Variants in ASB5 observed in about 807,000 individuals in gnomAD.
The protein encoded by ASB5 is ankyrin repeat and SOCS box containing 5, also known as ankyrin repeat and SOCS box protein 5.
A neutral mutation model predicts 42.1 loss-of-function variants in ASB5; 45 were observed. The observed-to-expected ratio is 1.07, with a 90% CI of 0.84 to 1.37. The LOEUF (loss-of-function observed/expected upper bound fraction) is 1.37. Among genes scored for constraint, ASB5 ranks in the 40% most tolerant of loss-of-function variants. The probability of loss-of-function intolerance (pLI) is 0.00; values close to 1 mark genes in which losing one functional copy is unlikely to be tolerated. For synonymous variants in ASB5, 147 were observed against 150.6 expected (o/e 0.98, Z 0.18); for missense variants, 402 against 399.8 (o/e 1.01, Z -0.05).
chr4:176,221,053 ATT>A (rs1292675876), intron 5 of ASB5, 100 bp downstream of exon 5: 1 of 1,342,852 alleles, frequency 7.4e-7, no homozygotes, highest in Non-Finnish European at 9.8e-7. Context: ...AAATAAGAAC[ATT>A]TTTTAGCAAT....
At chr4:176,221,333 C>T (rs570156844) in intron 4 of ASB5, 44 bp from the exon 5 acceptor site, 19 of 1,607,446 alleles carry the variant, frequency 1.2e-5, no homozygotes, top group Non-Finnish European at 1.5e-5. Context: ...GCCCATCCAC[C>T]CCACACACCT....
At chr4:176,256,932 G>A (rs1205243302) in intron 1 of ASB5, among the ~76,000 whole-genome samples, 1 of 152,124 alleles carries the variant, frequency 6.6e-6, no homozygotes, top group Non-Finnish European at 1.5e-5. Flanking sequence ...GAAAAACTAT[G>A]TTTTGGTCAC....
At chr4:176,248,914 TGG>T (rs1293727991) in intron 1 of ASB5, among the ~76,000 whole-genome samples, 2 of 152,200 alleles carry the variant, frequency 1.3e-5, no homozygotes, top group Non-Finnish European at 2.9e-5. Context: ...TGAAGGCTTC[TGG>T]GGTTCTATTT....
At chr4:176,228,500 C>T (rs1561255513) in intron 1 of ASB5, among the ~76,000 whole-genome samples, 1 of 152,142 alleles carries the variant, frequency 6.6e-6, no homozygotes, top group Non-Finnish European at 1.5e-5. Flanking sequence ...TACTTTCTCT[C>T]TCAATAACAG....
chr4:176,233,663 C>T (rs550957219), intron 1 of ASB5, among the ~76,000 whole-genome samples: 3 of 152,138 alleles, frequency 2.0e-5, no homozygotes, highest in Non-Finnish European at 2.9e-5. Context: ...TCCATTGTTG[C>T]GGTAGTTTCT....
intron 1 of ASB5, among the ~76,000 whole-genome samples, chr4:176,244,260 C>T (rs1193378898): frequency 6.6e-6 from 1 of 152,020 alleles, no homozygotes; most frequent in Non-Finnish European, 1.5e-5. Flanking sequence ...AAATTATAGC[C>T]ATAATCTTGT....
chr4:176,236,598 T>C (rs1753689769), intron 1 of ASB5, among the ~76,000 whole-genome samples: 1 of 152,234 alleles, frequency 6.6e-6, no homozygotes, highest in African/African-American at 2.4e-5. Context: ...ATATGCTTTG[T>C]ATGTTTGAAA....
In ASB5 at chr4:176,221,434, C is replaced by G. The variant is rs1753204021; in HGVS notation, c.535+16G>C. 1 of 1,610,890 alleles carries G rather than the reference C, an allele frequency of 6.2e-7. No individual in the cohort carries two copies. The highest frequency in any genetic ancestry group is 1.3e-5 in the African/African-American group (1 of 74,788). On this transcript the variant is annotated intron_variant, in intron 4 of 6. Transcript: ENST00000296525. ...AAACTTTCTTCCCTTGTCACTTAATCCCAGAACTAAGTTACCTTTACTGGC... is the reference window on the plus strand; with the variant it reads ...AAACTTTCTTCCCTTGTCACTTAATGCCAGAACTAAGTTACCTTTACTGGC...
intron 1 of ASB5, among the ~76,000 whole-genome samples, chr4:176,250,027 T>A (rs1401200196): frequency 2.1e-5 from 3 of 145,270 alleles, no homozygotes; most frequent in Non-Finnish European, 3.0e-5. Context: ...ATCACACCAC[T>A]GCACTCCAGC....
upstream of ASB5, among the ~76,000 whole-genome samples, chr4:176,272,778 A>T (rs752613773): frequency 6.6e-6 from 1 of 152,154 alleles, no homozygotes; most frequent in Admixed American, 6.5e-5. Flanking sequence ...GGAATTTTGC[A>T]TCTAGAGATT....
chr4:176,219,585 T>A (rs1296419223), intron 5 of ASB5, among the ~76,000 whole-genome samples: 1 of 26,454 alleles, frequency 3.8e-5, no homozygotes, highest in Non-Finnish European at 8.0e-5. Context: ...GATATATATA[T>A]ATATATATAT....
chr4:176,260,635 G>T (rs1351841089), intron 1 of ASB5, among the ~76,000 whole-genome samples: 3 of 152,114 alleles, frequency 2.0e-5, no homozygotes, highest in Admixed American at 6.6e-5. Context: ...TCCCTATGCA[G>T]CTGATAATGT....
chr4:176,258,608 G>A (rs1754200484), intron 1 of ASB5, among the ~76,000 whole-genome samples: 1 of 152,112 alleles, frequency 6.6e-6, no homozygotes, highest in African/African-American at 2.4e-5. Context: ...TATTTGGCAA[G>A]AATCACAGGT....
Position 176,232,422 on chromosome 4 carries a change from C to T in ASB5, c.197-7081G>A, listed in dbSNP as rs1753573852. Among the ~76,000 whole-genome samples the T allele has an allele frequency of 3.3e-5, 5 of 152,078 alleles. No individual in the cohort carries two copies. The South Asian group carries it at 1.0e-3, about 32-fold the overall frequency. ...AGATGTGAGCCACCGAGCCTGGCCC[C>T]TGTAAAATATTAAACCAACAATCGT... On this transcript the variant is annotated intron_variant, in intron 1 of 6. Transcript: ENST00000296525.
At chr4:176,252,745 TAAAG>T (rs771421912) in intron 1 of ASB5, among the ~76,000 whole-genome samples, 5 of 152,172 alleles carry the variant, frequency 3.3e-5, no homozygotes, top group Non-Finnish European at 7.4e-5. Flanking sequence ...TTTTGTAATA[TAAAG>T]AAACAAAATC....
intron 5 of ASB5, among the ~76,000 whole-genome samples, chr4:176,219,609 T>C (rs1459399625): frequency 9.2e-6 from 1 of 109,254 alleles, no homozygotes; most frequent in African/African-American, 3.5e-5. Context: ...TATATATATA[T>C]ATATATATAG....
rs1561252198 is a variant in ASB5, at chr4:176,221,307, A to G, written c.536-18T>C. The G allele has an allele frequency of 1.2e-6, 2 of 1,613,116 alleles. No individual in the cohort carries two copies. Among genetic ancestry groups the G allele is most frequent in the Non-Finnish European group, 1.7e-6 (2 of 1,179,522 alleles). On this transcript the variant is annotated intron_variant, in intron 4 of 6. Coordinates refer to ENST00000296525, the MANE Select transcript of ASB5 (RefSeq NM_080874.4). The stretch of plus-strand genomic sequence containing the variant: ...ATGGTGACCTGCCAACACAAAGTAG[A>G]GGAGTTTAACTTAATGCCCATCCAC...
chr4:176,233,705 C>T (rs982338478), intron 1 of ASB5, among the ~76,000 whole-genome samples: 2 of 152,160 alleles, frequency 1.3e-5, no homozygotes, highest in Non-Finnish European at 2.9e-5. Flanking sequence ...CATCCAAGCT[C>T]AGTCTTTGCA....
chr4:176,246,425 A>C (rs1402140316), intron 1 of ASB5, among the ~76,000 whole-genome samples: 2 of 152,236 alleles, frequency 1.3e-5, no homozygotes, highest in Non-Finnish European at 2.9e-5. Flanking sequence ...ATGGACTCTG[A>C]AAGATAATTT....
Sources: allele counts gnomAD v4.1 joint callset (sites outside exome capture counted in the v4.1 genomes callset), GRCh38; gene constraint gnomAD v4.1.1; transcripts MANE v1.5; gene names NCBI Gene and HGNC (gene_info 2026-07-23, HGNC 2026-07-21).